The following MLIP variants were observed in gnomAD, a reference collection of about 807,000 sequenced individuals.
MLIP encodes muscular LMNA interacting protein, also known as muscular LMNA-interacting protein.
Under a neutral mutation model 84.8 loss-of-function variants are expected in MLIP, and 79 were observed. That is an observed-to-expected ratio of 0.93 (90% CI 0.78 to 1.12). The LOEUF (loss-of-function observed/expected upper bound fraction) is 1.12. Ranked by LOEUF, MLIP falls within the 50% of genes most tolerant of loss-of-function variation. The pLI is 0.00. For synonymous variants in MLIP, 504 were observed against 463.0 expected (o/e 1.09, Z -1.14); for missense variants, 1,257 against 1,160.6 (o/e 1.08, Z -1.21).
chr6:54,090,416 C>T (rs1372571337), intron 1 of MLIP, among the ~76,000 whole-genome samples: 2 of 152,108 alleles, frequency 1.3e-5, no homozygotes, highest in African/African-American at 2.4e-5. Flanking sequence ...ATAATCCTAC[C>T]TCCATAACTA....
intron 5 of MLIP, among the ~76,000 whole-genome samples, chr6:54,159,664 G>A (rs1774409192): frequency 6.6e-6 from 1 of 152,086 alleles, no homozygotes; most frequent in Non-Finnish European, 1.5e-5. Flanking sequence ...ACAGAGAAGA[G>A]TGTAAGGTCA....
intron 1 of MLIP, among the ~76,000 whole-genome samples, chr6:54,080,225 A>G (rs898146739): frequency 6.6e-6 from 1 of 152,084 alleles, no homozygotes; most frequent in African/African-American, 2.4e-5. Flanking sequence ...GAAACCTGCA[A>G]ATGTACCTTA....
chr6:54,153,028 G>T (rs1018605341), intron 5 of MLIP, among the ~76,000 whole-genome samples: 1 of 151,920 alleles, frequency 6.6e-6, no homozygotes, highest in Non-Finnish European at 1.5e-5. Flanking sequence ...TAGGGCTGGG[G>T]CTAGGTACAA....
Position 54,022,969 on chromosome 6 carries a change from T to C in MLIP, c.63+3878T>C, listed in dbSNP as rs545690380. 8.5e-4 allele frequency among the ~76,000 whole-genome samples: 129 copies of C among 151,990 alleles called. 2 individuals carry two copies. The highest frequency in any genetic ancestry group is 2.6e-3 in the African/African-American group (106 of 41,464). ...GATCACGAGGTCAGGAGATCCAGAC[T>C]ATCCTGGCTAACACGGTGAAACACC... On this transcript the variant is annotated intron_variant, in intron 1 of 12. Transcript: ENST00000274897.
chr6:54,169,321 G>T (rs955179939), intron 8 of MLIP, among the ~76,000 whole-genome samples: 1 of 151,698 alleles, frequency 6.6e-6, no homozygotes, highest in Non-Finnish European at 1.5e-5. Flanking sequence ...TAAATAAGGA[G>T]AAATTACCAG....
chr6:54,237,336 C>T (rs1781433552), intron 12 of MLIP, among the ~76,000 whole-genome samples: 1 of 151,732 alleles, frequency 6.6e-6, no homozygotes, highest in African/African-American at 2.4e-5. Context: ...GGGGGTGGGG[C>T]AGCATCAATC....
intron 1 of MLIP, among the ~76,000 whole-genome samples, chr6:54,060,854 A>T (rs1489015612): frequency 1.3e-5 from 2 of 152,132 alleles, no homozygotes; most frequent in Non-Finnish European, 2.9e-5. Context: ...TTGATAAAGA[A>T]AGAAGATACA....
At chr6:54,143,576 G>A (rs1048248990) in intron 4 of MLIP, among the ~76,000 whole-genome samples, 1 of 152,154 alleles carries the variant, frequency 6.6e-6, no homozygotes, top group East Asian at 1.9e-4. Flanking sequence ...GAAAAAACAG[G>A]GATCAAGATA....
chr6:54,260,058 C>T (rs780863115), intron 13 of MLIP, among the ~76,000 whole-genome samples: 11 of 151,770 alleles, frequency 7.2e-5, no homozygotes, highest in Admixed American at 1.3e-4. Context: ...CATTATTTTC[C>T]TCTTGGTTTT....
intron 1 of MLIP, among the ~76,000 whole-genome samples, chr6:54,101,390 C>A (rs1343623505): frequency 6.8e-6 from 1 of 148,130 alleles, no homozygotes; most frequent in South Asian, 2.1e-4. Context: ...ATGTGCCAGG[C>A]CATACACTAG....
In MLIP at chr6:54,032,700, T is replaced by A. The variant is rs61106744; in HGVS notation, c.63+13609T>A. On this transcript the variant is annotated intron_variant, in intron 1 of 12. Transcript: ENST00000274897. ...TCCTGAGTAGCTGGGACTAGAGGTGTGCACCATCATGCCTGGCCAATTTTT... is the reference window on the plus strand; with the variant it reads ...TCCTGAGTAGCTGGGACTAGAGGTGAGCACCATCATGCCTGGCCAATTTTT... Among the ~76,000 whole-genome samples, 1,349 of 152,262 alleles carry A rather than the reference T, an allele frequency of 8.9e-3. 17 individuals are homozygous for A. Among genetic ancestry groups the A allele is most frequent in the African/African-American group, 0.029 (1,222 of 41,534 alleles).
intron 3 of MLIP, among the ~76,000 whole-genome samples, chr6:54,132,711 A>G (rs1444172630): frequency 1.3e-5 from 2 of 152,176 alleles, no homozygotes; most frequent in Non-Finnish European, 2.9e-5. Context: ...GAGGTGCAGG[A>G]CCCAGCTGAG....
intron 1 of MLIP, among the ~76,000 whole-genome samples, chr6:54,090,713 GAC>G (rs146643591): frequency 1.2e-4 from 18 of 149,228 alleles, no homozygotes; most frequent in South Asian, 2.1e-4. Flanking sequence ...GAGAGAGAGG[GAC>G]ACACACACAC....
At chr6:54,058,920 A>G (rs1765808474) in intron 1 of MLIP, 1 of 152,214 alleles carries the variant, frequency 6.6e-6, no homozygotes, top group Non-Finnish European at 1.5e-5. Context: ...AAATTGACTT[A>G]CCTTCTACTT....
At chr6:54,217,959 A>G (rs1394610300) in intron 11 of MLIP, 9 of 985,336 alleles carry the variant, frequency 9.1e-6, no homozygotes, top group Non-Finnish European at 1.1e-5. Flanking sequence ...AGTAGGGCAC[A>G]AGTTAGACGT....
At chr6:54,194,306 AAGGCAGTTTCTCCTTGACC>A (rs1306212662) in intron 10 of MLIP, among the ~76,000 whole-genome samples, 9 of 152,122 alleles carry the variant, frequency 5.9e-5, no homozygotes, top group African/African-American at 2.2e-4. Context: ...TTCAAGCTCA[AAGGCAGTTTCTCCTTGACC>A]AGTTTTTCCT....
chr6:54,036,676 G>C (rs758374305), intron 1 of MLIP, among the ~76,000 whole-genome samples: 11 of 151,904 alleles, frequency 7.2e-5, no homozygotes, highest in Non-Finnish European at 1.2e-4. Flanking sequence ...AAACAATATG[G>C]AGGTTCCTAA....
intron 1 of MLIP, among the ~76,000 whole-genome samples, chr6:54,020,464 A>G (rs189071195): frequency 7.2e-5 from 11 of 152,356 alleles, no homozygotes; most frequent in African/African-American, 2.4e-4. Flanking sequence ...TTATGAAACC[A>G]GATAGGGAGT....
intron 13 of MLIP, chr6:54,261,565 G>C: frequency 1.0e-6 from 1 of 984,258 alleles, no homozygotes; most frequent in Non-Finnish European, 1.2e-6. Flanking sequence ...CTGTTAGCAA[G>C]GTGACTATGA....
Sources: allele counts gnomAD v4.1 joint callset (sites outside exome capture counted in the v4.1 genomes callset), GRCh38; gene constraint gnomAD v4.1.1; transcripts MANE v1.5; gene names NCBI Gene and HGNC (gene_info 2026-07-23, HGNC 2026-07-21).